PHEX: variants seen among roughly 807,000 people sequenced by gnomAD.
PHEX encodes the protein phosphate regulating endopeptidase X-linked, also known as phosphate-regulating neutral endopeptidase PHEX.
PHEX carries 16 observed loss-of-function variants against 68.0 expected under a neutral mutation model. The ratio of observed to expected loss-of-function variants is 0.24; its 90% CI spans 0.16 to 0.36. The LOEUF (loss-of-function observed/expected upper bound fraction) is 0.36, where lower values mean the gene tolerates loss of function less well. Among genes scored for constraint, PHEX ranks in the 10% least tolerant of loss-of-function variants. The probability of loss-of-function intolerance (pLI) is 1.00; values close to 1 mark genes in which losing one functional copy is unlikely to be tolerated. For synonymous variants in PHEX, 208 were observed against 205.1 expected (o/e 1.01, Z -0.12); for missense variants, 480 against 575.5 (o/e 0.83, Z 1.70).
rs1050547706 is a variant in PHEX, at chrX:22,122,005, A to C, written c.1302+7419A>C. ...TAGAAGTTCACCTCATTAGTGAGCT[A>C]AGATAATTGAATTGATGTACTGCCA... On this transcript the variant is annotated intron_variant, in intron 11 of 21. Coordinates refer to ENST00000379374, the MANE Select transcript of PHEX (RefSeq NM_000444.6). Among the ~76,000 whole-genome samples, 3 of 111,885 alleles carry C rather than the reference A, an allele frequency of 2.7e-5. No homozygotes were observed. The Admixed American group carries it at 2.8e-4, about 11-fold the overall frequency.
intron 16 of PHEX, among the ~76,000 whole-genome samples, chrX:22,215,157 T>C (rs986010376): frequency 1.8e-5 from 2 of 111,721 alleles, no homozygotes; most frequent in African/African-American, 6.5e-5. Context: ...ATTGGGTCTG[T>C]GAGCATGTTA....
chrX:22,225,385 C>T (rs1050626397), intron 18 of PHEX, among the ~76,000 whole-genome samples: 10 of 111,384 alleles, frequency 9.0e-5, no homozygotes, highest in South Asian at 3.8e-4. Context: ...TTTCTTTCTT[C>T]GCAGTGAATA....
intron 11 of PHEX, among the ~76,000 whole-genome samples, chrX:22,123,496 T>C (rs922061071): frequency 2.7e-5 from 3 of 111,806 alleles, no homozygotes; most frequent in African/African-American, 9.7e-5. Flanking sequence ...GTGAATGTCA[T>C]CTACTCTTAT....
intron 15 of PHEX, among the ~76,000 whole-genome samples, chrX:22,209,045 G>T (rs1304967415): frequency 1.8e-5 from 2 of 111,976 alleles, no homozygotes; most frequent in Admixed American, 9.5e-5. Context: ...AAGTTTGCTT[G>T]TGTAAGTTGG....
At chrX:22,112,862 C>T (rs1418794448) in intron 10 of PHEX, among the ~76,000 whole-genome samples, 1 of 110,459 alleles carries the variant, frequency 9.1e-6, no homozygotes, top group African/African-American at 3.3e-5. Context: ...GAGATGATGG[C>T]ACCAATGCAC....
chrX:22,093,219 A>T (rs1190946836), intron 6 of PHEX, among the ~76,000 whole-genome samples: 7 of 112,023 alleles, frequency 6.2e-5, no homozygotes, highest in Non-Finnish European at 1.1e-4. Flanking sequence ...GAAGGAGGTC[A>T]TTTAATACCT....
At position 22,223,179 on chromosome X, in the gene PHEX, G is replaced by A. The variant is rs144799973; in HGVS notation, c.1899+1436G>A. 6.8e-3 allele frequency among the ~76,000 whole-genome samples: 759 copies of A among 112,179 alleles called. 2 individuals carry two copies. Among genetic ancestry groups the A allele is most frequent in the African/African-American group, 0.023 (714 of 30,905 alleles). On this transcript the variant is annotated intron_variant, in intron 18 of 21. Coordinates refer to ENST00000379374, the MANE Select transcript of PHEX (RefSeq NM_000444.6). ...TGGGTGGCTTCCTTTGTGGATATAA[G>A]GGCCATGCTTTATTATTTTTCTGGC...
At chrX:22,133,247 C>G (rs1932090461) in intron 11 of PHEX, among the ~76,000 whole-genome samples, 1 of 111,670 alleles carries the variant, frequency 9.0e-6, no homozygotes, top group African/African-American at 3.3e-5. Flanking sequence ...TCTCAAACTC[C>G]TGGGCTCAAG....
chrX:22,238,007 C>T (rs755513927), intron 20 of PHEX, among the ~76,000 whole-genome samples: 9 of 112,445 alleles, frequency 8.0e-5, no homozygotes, highest in East Asian at 2.8e-4. Context: ...GGTTTTGGGC[C>T]GGGCATGGCC....
At chrX:22,216,256 G>A (rs1935083284) in intron 16 of PHEX, among the ~76,000 whole-genome samples, 1 of 111,773 alleles carries the variant, frequency 8.9e-6, no homozygotes, top group African/African-American at 3.3e-5. Flanking sequence ...CTTGATAACA[G>A]TGTGAGATCA....
In PHEX at chrX:22,076,424, C is replaced by G. The variant is rs936060620; in HGVS notation, c.386C>G (p.Thr129Ser). Residue 129 changes from threonine (T) to serine (S), a missense_variant, in exon 4 of 22, where the codon ACC becomes AGC. Transcript: ENST00000379374. ...AAATCAATCAGTAGAAGGCGGGACA[C>G]CGAAGCCATACAGAAAGCCAAAATC... is the stretch of plus-strand genomic sequence containing the variant. ...LEKSISRRRD[T>S]EAIQKAKILY... 4.1e-6 allele frequency: 5 copies of G among 1,207,646 alleles called. No homozygotes were observed. In the African/African-American group the frequency reaches 7.0e-5, roughly 17 times the overall value.
chrX:22,219,682 G>A (rs142539701), intron 17 of PHEX, among the ~76,000 whole-genome samples: 2,075 of 111,806 alleles, frequency 0.019, 47 homozygotes, highest in African/African-American at 0.064. Flanking sequence ...GCAGTGGCAC[G>A]ATCTCGGCTC....
chrX:22,180,139 G>T (rs1933840409), intron 14 of PHEX, among the ~76,000 whole-genome samples: 2 of 110,824 alleles, frequency 1.8e-5, no homozygotes, highest in South Asian at 7.8e-4. Context: ...ACTTCCTGCT[G>T]GTTGTCCCTG....
rs765311592 is a variant in PHEX, at chrX:22,122,608, A to G, written c.1302+8022A>G. Among the ~76,000 whole-genome samples the G allele has an allele frequency of 8.0e-5, 9 of 112,019 alleles. No individual in the cohort carries two copies. In the South Asian group the frequency reaches 3.0e-3, roughly 37 times the overall value. ...TGTTGCTTTGGTAATGCTGTGTAAC[A>G]ATCAATCACAAAGCCTCACTGGCAT... is the stretch of plus-strand genomic sequence containing the variant. On this transcript the variant is annotated intron_variant, in intron 11 of 21. Transcript: ENST00000379374.
chrX:22,189,584 A>G (rs1362814478), intron 14 of PHEX, among the ~76,000 whole-genome samples: 1 of 111,778 alleles, frequency 8.9e-6, no homozygotes, highest in Non-Finnish European at 1.9e-5. Context: ...AAAAAAAAAG[A>G]GAAATAATTG....
At chrX:22,058,024 A>G (rs1928194279) in intron 3 of PHEX, among the ~76,000 whole-genome samples, 2 of 111,607 alleles carry the variant, frequency 1.8e-5, no homozygotes, top group Non-Finnish European at 3.8e-5. Flanking sequence ...AAGCAAAATC[A>G]TCAGTCATTT....
chrX:22,180,923 T>C (rs1933864851), intron 14 of PHEX, among the ~76,000 whole-genome samples: 1 of 112,093 alleles, frequency 8.9e-6, no homozygotes, highest in Non-Finnish European at 1.9e-5. Flanking sequence ...TAGTTGTAAA[T>C]GACAGGATTT....
intron 21 of PHEX, among the ~76,000 whole-genome samples, chrX:22,245,902 T>C (rs1266077111): frequency 8.9e-6 from 1 of 112,122 alleles, no homozygotes; most frequent in Non-Finnish European, 1.9e-5. Flanking sequence ...CTGGTTTATT[T>C]TGTTTTAAAG....
chrX:22,168,405 A>C lies in PHEX; in HGVS notation c.1482+16A>C, dbSNP rs376298942. On this transcript the variant is annotated intron_variant, in intron 13 of 21. Transcript: ENST00000379374. The stretch of plus-strand genomic sequence containing the variant: ...CCTCAAAGCTGTAAGTGCTAAATTT[A>C]CTGTACTTTTTTTTTTCTGGCAAGT... The C allele has an allele frequency of 4.3e-4, 464 of 1,084,915 alleles. 1 individual carries two copies. Among genetic ancestry groups the C allele is most frequent in the Non-Finnish European group, 5.5e-4 (429 of 781,834 alleles). The allele number at this position is 1,084,915 out of a possible 1,213,427, so 89.4% of individuals were successfully genotyped here. A position where few individuals can be genotyped will look rare whatever the true frequency, so the allele number is the denominator to read the frequency against.
Sources: gnomAD v4.1 joint callset for allele counts (sites outside exome capture counted in the v4.1 genomes callset) on GRCh38, gnomAD v4.1.1 for gene constraint, MANE v1.5 for transcripts, NCBI Gene and HGNC (gene_info 2026-07-23, HGNC 2026-07-21) for gene names.